ZNF215: variants seen among roughly 807,000 people sequenced by gnomAD.
ZNF215 encodes the protein BWSCR2-associated zinc finger protein 2.
In ZNF215, 24 loss-of-function variants were observed where a neutral mutation model predicts 27.2. That is an observed-to-expected ratio of 0.88 (90% CI 0.64 to 1.24). The LOEUF (loss-of-function observed/expected upper bound fraction) is 1.24, where lower values mean the gene tolerates loss of function less well. Ranked by LOEUF, ZNF215 falls within the 50% of genes most tolerant of loss-of-function variation. The probability of loss-of-function intolerance (pLI) is 0.00; values close to 1 mark genes in which losing one functional copy is unlikely to be tolerated. For missense variants in ZNF215, 675 were observed against 605.7 expected, an observed-to-expected ratio of 1.11 and a Z score of -1.20; for synonymous variants, 210 against 204.0, an observed-to-expected ratio of 1.03 and a Z score of -0.25.
chr11:6,972,691 C>T (rs2638110), intron 5 of ZNF215, among the ~76,000 whole-genome samples: 34,248 of 151,962 alleles, frequency 0.23, 3,995 homozygotes, highest in Non-Finnish European at 0.25. Context: ...TCAAGGAAAG[C>T]AGAAATCTTC....
chr11:6,952,028 A>G (rs1395048644), intron 6 of ZNF215, among the ~76,000 whole-genome samples: 2 of 152,102 alleles, frequency 1.3e-5, no homozygotes, highest in African/African-American at 4.8e-5. Context: ...TTTAGTTTCC[A>G]TGTAGTTGAG....
intron 6 of ZNF215, among the ~76,000 whole-genome samples, chr11:6,947,389 C>T (rs72848531): frequency 1.4e-3 from 206 of 152,134 alleles, no homozygotes; most frequent in Non-Finnish European, 2.4e-3. Context: ...TGGCAAGACT[C>T]CATCTCTACA....
chr11:6,952,342 T>C (rs1002721179), intron 6 of ZNF215, among the ~76,000 whole-genome samples: 4 of 152,182 alleles, frequency 2.6e-5, no homozygotes, highest in African/African-American at 9.7e-5. Flanking sequence ...GGTGTTGAAG[T>C]CTCCCATTAT....
downstream of ZNF215, among the ~76,000 whole-genome samples, chr11:6,992,731 C>T (rs757053879): frequency 2.6e-5 from 4 of 152,170 alleles, no homozygotes; most frequent in Non-Finnish European, 4.4e-5. Flanking sequence ...GAGGTCTGAA[C>T]GAGTCATCCA....
At chr11:6,967,029 C>T (rs772937576) in intron 5 of ZNF215, among the ~76,000 whole-genome samples, 8 of 151,892 alleles carry the variant, frequency 5.3e-5, no homozygotes, top group Non-Finnish European at 1.0e-4. Context: ...TCTCTTTGTT[C>T]ACCTCCTACT....
rs1374649123 is a variant in ZNF215, at chr11:6,943,133, G to A, written c.534G>A (p.Trp178Ter). The change falls in exon 5 of 7, where the codon TGG (tryptophan) becomes TGA (stop). Residue 178 changes from tryptophan (W) to a stop codon, truncating the protein, a stop_gained. Coordinates refer to ENST00000278319, the MANE Select transcript of ZNF215 (RefSeq NM_013250.4). LOFTEE classifies it high-confidence loss of function. ...TTGTGGAATTCAGCAAGGAAGAGTG[G>A]GGGCAACTGGACTCTGCTGTAAAGA... The part of the protein sequence containing the change: ...DVVVEFSKEE[W>*]GQLDSAVKNL... 3.7e-6 allele frequency: 6 copies of A among 1,613,986 alleles called. No individual in the cohort carries two copies. Among genetic ancestry groups the A allele is most frequent in the Middle Eastern group, 1.6e-4 (1 of 6,062 alleles).
intron 5 of ZNF215, among the ~76,000 whole-genome samples, chr11:6,963,119 C>T (rs1253246001): frequency 6.6e-6 from 1 of 152,038 alleles, no homozygotes; most frequent in Non-Finnish European, 1.5e-5. Flanking sequence ...TTAGTGAATT[C>T]AATTGAATTA....
chr11:6,990,491 A>G (rs1319223141), downstream of ZNF215, among the ~76,000 whole-genome samples: 1 of 152,222 alleles, frequency 6.6e-6, no homozygotes, highest in East Asian at 1.9e-4. Context: ...TAGACACCAG[A>G]AAAAAATGGC....
At chr11:6,988,418 T>G (rs893425033), downstream of ZNF215, 6 of 228,466 alleles carry the variant, frequency 2.6e-5, no homozygotes, top group Non-Finnish European at 4.3e-5. Flanking sequence ...GTAACTGATT[T>G]TCCCTTTATT....
downstream of ZNF215, among the ~76,000 whole-genome samples, chr11:6,991,611 C>G (rs183940811): frequency 4.2e-4 from 64 of 152,332 alleles, no homozygotes; most frequent in Non-Finnish European, 7.9e-4. Flanking sequence ...CTGTCAGTAT[C>G]TCATCTCAGT....
intron 5 of ZNF215, among the ~76,000 whole-genome samples, chr11:6,982,390 C>G (rs1850973153): frequency 1.3e-5 from 2 of 152,136 alleles, no homozygotes; most frequent in Non-Finnish European, 2.9e-5. Context: ...TTGAACTCAG[C>G]TCTGCACCAA....
At chr11:6,959,218 C>T (rs966152058), downstream of ZNF215, among the ~76,000 whole-genome samples, 5 of 151,956 alleles carry the variant, frequency 3.3e-5, no homozygotes, top group African/African-American at 7.3e-5. Context: ...AAAGGCAAAA[C>T]GAGGGGCACA....
chr11:6,945,559 A>T (rs1443053902), intron 6 of ZNF215, among the ~76,000 whole-genome samples: 1 of 152,230 alleles, frequency 6.6e-6, no homozygotes, highest in Non-Finnish European at 1.5e-5. Context: ...TCATGTAGCT[A>T]ACTCCAATAG....
chr11:6,933,932 G>C (rs1849352560), intron 3 of ZNF215, among the ~76,000 whole-genome samples: 1 of 152,114 alleles, frequency 6.6e-6, no homozygotes, highest in Admixed American at 6.6e-5. Flanking sequence ...CAGTTTTTAA[G>C]GGAATAGGGA....
At chr11:6,970,360 CCTT>C (rs1417413315) in intron 5 of ZNF215, among the ~76,000 whole-genome samples, 1 of 152,088 alleles carries the variant, frequency 6.6e-6, no homozygotes, top group Non-Finnish European at 1.5e-5. Context: ...AATGTTTTGC[CCTT>C]CTTTAGATCC....
intron 5 of ZNF215, among the ~76,000 whole-genome samples, chr11:6,980,023 C>A (rs1020600807): frequency 6.6e-6 from 1 of 152,052 alleles, no homozygotes; most frequent in African/African-American, 2.4e-5. Flanking sequence ...GCGTGCAACA[C>A]ACAACAAAAT....
downstream of ZNF215, among the ~76,000 whole-genome samples, chr11:6,962,510 C>A (rs184134869): frequency 6.6e-6 from 1 of 152,224 alleles, no homozygotes; most frequent in East Asian, 1.9e-4. Context: ...GATTCACATC[C>A]TTGGAAGTCC....
At chr11:6,943,728 T>C in intron 6 of ZNF215, 87 bp downstream of exon 6, 1 of 1,080,934 alleles carries the variant, frequency 9.3e-7, no homozygotes, top group South Asian at 1.4e-5. Context: ...TTTGAATTGT[T>C]AGTTGGGAAG....
At chr11:6,978,870 C>G (rs1027518805) in intron 5 of ZNF215, among the ~76,000 whole-genome samples, 2 of 151,946 alleles carry the variant, frequency 1.3e-5, no homozygotes, top group African/African-American at 4.8e-5. Context: ...AATTTTAAAA[C>G]ATTAATTGGA....
Sources: gnomAD v4.1 joint callset for allele counts (sites outside exome capture counted in the v4.1 genomes callset) on GRCh38, gnomAD v4.1.1 for gene constraint, MANE v1.5 for transcripts, NCBI Gene and HGNC (gene_info 2026-07-23, HGNC 2026-07-21) for gene names.